The following ME2 variants were observed in gnomAD, a reference collection of about 807,000 sequenced individuals.
ME2 encodes malic enzyme 2, also known as NAD-dependent malic enzyme, mitochondrial.
Under a neutral mutation model 73.7 loss-of-function variants are expected in ME2, and 60 were observed. The ratio of observed to expected loss-of-function variants is 0.81; its 90% CI spans 0.66 to 1.01. ME2 has a LOEUF of 1.01. Ranked by LOEUF, ME2 falls within the 50% of genes least tolerant of loss-of-function variation. The pLI is 0.00. For synonymous variants in ME2, 199 were observed against 236.9 expected, an observed-to-expected ratio of 0.84 and a Z score of 1.47; for missense variants, 594 against 705.5, an observed-to-expected ratio of 0.84 and a Z score of 1.79.
At chr18:50,930,364 C>A (rs891078583) in intron 12 of ME2, among the ~76,000 whole-genome samples, 12 of 152,110 alleles carry the variant, frequency 7.9e-5, no homozygotes, top group African/African-American at 2.9e-4. Context: ...TAGTCGTCAC[C>A]TGTTAAATTT....
At chr18:50,904,280 T>C (rs541512262) in intron 2 of ME2, among the ~76,000 whole-genome samples, 19 of 136,758 alleles carry the variant, frequency 1.4e-4, no homozygotes, top group African/African-American at 4.9e-4. Flanking sequence ...CTTTCTTCTG[T>C]TTTTTTTTTT....
At chr18:50,903,322 T>G (rs1383461650) in intron 2 of ME2, among the ~76,000 whole-genome samples, 1 of 152,216 alleles carries the variant, frequency 6.6e-6, no homozygotes, top group Admixed American at 6.5e-5. Context: ...ATAAAATTAT[T>G]TAATCATTTT....
At chr18:50,890,705 C>T (rs1916588488) in intron 1 of ME2, among the ~76,000 whole-genome samples, 1 of 152,074 alleles carries the variant, frequency 6.6e-6, no homozygotes, top group African/African-American at 2.4e-5. Flanking sequence ...AGCATCCTGC[C>T]TTTCTTGTAA....
chr18:50,916,064 C>A (rs1352326300), intron 4 of ME2, 104 bp from the exon 5 acceptor site: 3 of 778,630 alleles, frequency 3.9e-6, no homozygotes, highest in African/African-American at 1.8e-5. Context: ...GGAAATTATA[C>A]CATGTCTTGA....
In ME2 at chr18:50,949,592, AAATAT is replaced by A. The variant is rs1463624681; in HGVS notation, c.*2413_*2417del. 1 of 152,222 alleles carries A rather than the reference AAATAT, an allele frequency of 6.6e-6. No homozygotes were observed. Among genetic ancestry groups the A allele is most frequent in the Admixed American group, 6.5e-5 (1 of 15,284 alleles). The allele number at this position is 152,222 out of a possible 1,614,324, so 9.4% of individuals were successfully genotyped here. A position where few individuals can be genotyped will look rare whatever the true frequency, so the allele number is the denominator to read the frequency against. ...AATCTTGATTTTAGTTCAACCTAAG[AAATAT>A]AATAAATATAAACCTGTTTCTTGCT... On this transcript the variant is annotated 3_prime_UTR_variant, in exon 16 of 16. Transcript: ENST00000321341.
rs573695483 is a variant in ME2 at position 50,908,048 on chromosome 18, A to T, written c.109-15A>T. On this transcript the variant is annotated splice_polypyrimidine_tract_variant and intron_variant, in intron 2 of 15. Transcript: ENST00000321341. ...GTAAGTAATAATTTTTAATCCTTTT[A>T]TTTCTCCTCTTTAGGGAATGGCATT... The T allele has an allele frequency of 6.6e-7, 1 of 1,524,130 alleles. No homozygotes were observed. The highest frequency in any genetic ancestry group is 2.3e-5 in the Admixed American group (1 of 44,180). 94.4% of individuals were successfully genotyped at this position (1,524,130 alleles called of 1,614,324 possible). A position where few individuals can be genotyped will look rare whatever the true frequency, so the allele number is the denominator to read the frequency against.
chr18:50,939,969 A>T, intron 14 of ME2: 1 of 417,350 alleles, frequency 2.4e-6, no homozygotes, highest in Non-Finnish European at 4.3e-6. Context: ...GGCCTATGGG[A>T]GCTCCAGACT....
chr18:50,930,700 T>C (rs940656893), intron 12 of ME2, among the ~76,000 whole-genome samples: 1 of 152,212 alleles, frequency 6.6e-6, no homozygotes, highest in Non-Finnish European at 1.5e-5. Flanking sequence ...ATTTTTTCCA[T>C]GATGTGCTAT....
At position 50,953,960 on chromosome 18, in the gene ME2, A is replaced by T. The variant is rs538155699; in HGVS notation, c.*6776A>T. The T allele has an allele frequency of 6.6e-6, 1 of 152,332 alleles. No individual in the cohort carries two copies. Among genetic ancestry groups the T allele is most frequent in the African/African-American group, 2.4e-5 (1 of 41,582 alleles). 9.4% of individuals were successfully genotyped at this position (152,332 alleles called of 1,614,324 possible). ...TTTGTGTTCCCTTTGTTAACATACC[A>T]AGCACTAATTATTGACTTCAAGGAA... On this transcript the variant is annotated 3_prime_UTR_variant, in exon 16 of 16. Coordinates refer to ENST00000321341, the MANE Select transcript of ME2 (RefSeq NM_002396.5).
intron 13 of ME2, among the ~76,000 whole-genome samples, chr18:50,937,404 T>C (rs1444170029): frequency 1.3e-5 from 2 of 152,188 alleles, no homozygotes; most frequent in African/African-American, 4.8e-5. Flanking sequence ...TAAAAGCATG[T>C]GCGGTGATGC....
chr18:50,880,708 G>A (rs1035607762), intron 1 of ME2, among the ~76,000 whole-genome samples: 1 of 151,988 alleles, frequency 6.6e-6, no homozygotes, highest in African/African-American at 2.4e-5. Flanking sequence ...GTTAGCGACC[G>A]CGCCTAGCTC....
In ME2 at chr18:50,951,513, C is replaced by T. The variant is rs1918224825; in HGVS notation, c.*4329C>T. The stretch of plus-strand genomic sequence containing the variant: ...GCTTTATGACAGAGGTTATAATATT[C>T]TTTTCTCCTCTCTTCTTTGACGTGT... On this transcript the variant is annotated 3_prime_UTR_variant, in exon 16 of 16. Coordinates refer to ENST00000321341, the MANE Select transcript of ME2 (RefSeq NM_002396.5). 6.9e-6 allele frequency: 1 copy of T among 145,816 alleles called. No homozygotes were observed. The allele number at this position is 145,816 out of a possible 1,614,324, so 9.0% of individuals were successfully genotyped here.
At chr18:50,938,737 T>C (rs1259694297) in intron 13 of ME2, among the ~76,000 whole-genome samples, 1 of 152,100 alleles carries the variant, frequency 6.6e-6, no homozygotes, top group Non-Finnish European at 1.5e-5. Flanking sequence ...GACAGCTCCA[T>C]AGCTGGAATG....
In ME2 at chr18:50,925,914, T is replaced by C. The variant is rs368753370; in HGVS notation, c.1314+16T>C. The C allele has an allele frequency of 6.5e-7, 1 of 1,548,334 alleles. No individual in the cohort carries two copies. The highest frequency in any genetic ancestry group is 1.4e-5 in the African/African-American group (1 of 73,648). Reference sequence around the variant, plus strand: ...ACTTACAGAGGTATTAATAATCACATGAATTGATATGTATATTATTTTCCC... The same window carrying C: ...ACTTACAGAGGTATTAATAATCACACGAATTGATATGTATATTATTTTCCC... On this transcript the variant is annotated intron_variant, in intron 12 of 15. Transcript: ENST00000321341.
chr18:50,931,853 T>G (rs1917698401), intron 12 of ME2, among the ~76,000 whole-genome samples: 1 of 152,010 alleles, frequency 6.6e-6, no homozygotes, highest in African/African-American at 2.4e-5. Flanking sequence ...TTTTTGTATT[T>G]TTTGTATTTT....
At chr18:50,889,260 T>C in intron 1 of ME2, among the ~76,000 whole-genome samples, 1 of 152,208 alleles carries the variant, frequency 6.6e-6, no homozygotes, top group African/African-American at 2.4e-5. Context: ...CCTCAGGGTA[T>C]GGCTGATCAC....
At chr18:50,918,042 A>G (rs1414089791) in intron 6 of ME2, 68 bp from the exon 7 acceptor site, 7 of 997,588 alleles carry the variant, frequency 7.0e-6, no homozygotes, top group Admixed American at 2.9e-5. Context: ...TTATTTTGCA[A>G]TTTTTATTGT....
At chr18:50,915,174 C>A (rs1419331686) in intron 4 of ME2, among the ~76,000 whole-genome samples, 13 of 152,006 alleles carry the variant, frequency 8.6e-5, no homozygotes, top group African/African-American at 2.4e-4. Flanking sequence ...TGTAAGAATA[C>A]AGTATAGAAT....
intron 1 of ME2, among the ~76,000 whole-genome samples, chr18:50,892,141 G>A (rs1916619599): frequency 6.6e-6 from 1 of 152,040 alleles, no homozygotes; most frequent in African/African-American, 2.4e-5. Context: ...ATTCTTTATA[G>A]TTGCTTTACT....
Sources: allele counts gnomAD v4.1 joint callset (sites outside exome capture counted in the v4.1 genomes callset), GRCh38; gene constraint gnomAD v4.1.1; transcripts MANE v1.5; gene names NCBI Gene and HGNC (gene_info 2026-07-23, HGNC 2026-07-21).